The following GALNT13 variants were observed in gnomAD, a reference collection of about 807,000 sequenced individuals.
GALNT13 encodes the protein polypeptide N-acetylgalactosaminyltransferase 13.
Under a neutral mutation model 64.2 loss-of-function variants are expected in GALNT13, and 28 were observed. That is an observed-to-expected ratio of 0.44 (90% CI 0.32 to 0.60). The LOEUF (loss-of-function observed/expected upper bound fraction) is 0.60, where lower values mean the gene tolerates loss of function less well. Ranked by LOEUF, GALNT13 falls within the 20% of genes least tolerant of loss-of-function variation. The pLI is 0.05. For missense variants in GALNT13, 577 were observed against 669.8 expected (o/e 0.86, Z 1.53); for synonymous variants, 214 against 224.6 (o/e 0.95, Z 0.42).
the GALNT13 span, among the ~76,000 whole-genome samples, chr2:153,797,621 T>C: frequency 2.6e-5 from 4 of 152,188 alleles, no homozygotes; most frequent in Non-Finnish European, 5.9e-5. Flanking sequence ...TCAATTACAT[T>C]TCTTTTGGTA....
chr2:153,721,135 GA>G, the GALNT13 span, among the ~76,000 whole-genome samples: 3 of 146,558 alleles, frequency 2.0e-5, no homozygotes, highest in Non-Finnish European at 4.5e-5. Flanking sequence ...CTACAAGCCA[GA>G]AGAGAGTGGG....
At chr2:154,429,732 G>C (rs1009733049) in intron 11 of GALNT13, among the ~76,000 whole-genome samples, 1 of 152,178 alleles carries the variant, frequency 6.6e-6, no homozygotes, top group Admixed American at 6.5e-5. Flanking sequence ...AGCTAGAAAA[G>C]CGAAGTCATT....
At chr2:154,003,136 A>G (rs1696025221) in intron 3 of GALNT13, among the ~76,000 whole-genome samples, 1 of 152,120 alleles carries the variant, frequency 6.6e-6, no homozygotes, top group Non-Finnish European at 1.5e-5. Context: ...AACTGATAGG[A>G]AAACAGAGCA....
chr2:153,732,423 T>C, the GALNT13 span, among the ~76,000 whole-genome samples: 1 of 152,006 alleles, frequency 6.6e-6, no homozygotes, highest in African/African-American at 2.4e-5. Flanking sequence ...TTGTTTGGGA[T>C]CAGTTACCAC....
intron 8 of GALNT13, among the ~76,000 whole-genome samples, chr2:154,291,587 C>T (rs1004775817): frequency 6.6e-6 from 1 of 152,166 alleles, no homozygotes; most frequent in Non-Finnish European, 1.5e-5. Flanking sequence ...TGGCCGGCCA[C>T]GCTGGGTGCG....
the GALNT13 span, among the ~76,000 whole-genome samples, chr2:153,502,703 A>G: frequency 6.6e-6 from 1 of 152,230 alleles, no homozygotes; most frequent in Non-Finnish European, 1.5e-5. Context: ...ATTCCCACCA[A>G]CAATGTAAAA....
At chr2:154,419,282 T>C (rs1377655335) in intron 11 of GALNT13, among the ~76,000 whole-genome samples, 2 of 152,152 alleles carry the variant, frequency 1.3e-5, no homozygotes, top group African/African-American at 4.8e-5. Flanking sequence ...CAGTGTTTTC[T>C]AGCATAGAAA....
the GALNT13 span, among the ~76,000 whole-genome samples, chr2:153,339,335 T>C: frequency 6.6e-6 from 1 of 152,240 alleles, no homozygotes; most frequent in Non-Finnish European, 1.5e-5. Context: ...AATATCTCAA[T>C]GTGGTTTTAA....
chr2:154,135,375 G>A (rs1682890642), intron 3 of GALNT13, among the ~76,000 whole-genome samples: 1 of 152,082 alleles, frequency 6.6e-6, no homozygotes, highest in Non-Finnish European at 1.5e-5. Flanking sequence ...ACCTTTCTGA[G>A]AAGTAGTAGC....
the GALNT13 span, among the ~76,000 whole-genome samples, chr2:153,748,878 A>AT: frequency 1.3e-5 from 2 of 151,988 alleles, no homozygotes; most frequent in African/African-American, 4.8e-5. Context: ...GGAAAAAAAA[A>AT]GAAAGAAAGA....
chr2:153,409,497 A>C, the GALNT13 span, among the ~76,000 whole-genome samples: 2 of 151,822 alleles, frequency 1.3e-5, no homozygotes, highest in Non-Finnish European at 2.9e-5. Context: ...AAAAAGACTA[A>C]TAAAGCAACC....
chr2:154,071,316 A>G (rs1293867292), intron 3 of GALNT13, among the ~76,000 whole-genome samples: 1 of 152,148 alleles, frequency 6.6e-6, no homozygotes, highest in Non-Finnish European at 1.5e-5. Flanking sequence ...TGAAGAGCTC[A>G]GAATTAAAAT....
At chr2:154,277,452 T>C (rs1470707224) in intron 8 of GALNT13, among the ~76,000 whole-genome samples, 3 of 152,194 alleles carry the variant, frequency 2.0e-5, no homozygotes, top group African/African-American at 7.2e-5. Context: ...GATTATATTG[T>C]CACACTTAGT....
the GALNT13 span, among the ~76,000 whole-genome samples, chr2:153,103,571 A>C: frequency 5.7e-3 from 864 of 152,366 alleles, 6 homozygotes; most frequent in Non-Finnish European, 9.2e-3. Context: ...TTGGCCTTTC[A>C]GGCCCCTGGG....
the GALNT13 span, among the ~76,000 whole-genome samples, chr2:153,511,562 A>T: frequency 6.6e-6 from 1 of 152,192 alleles, no homozygotes. Context: ...AGGGAAAGTT[A>T]TTGGATCTTG....
chr2:153,601,386 TATA>T, the GALNT13 span, among the ~76,000 whole-genome samples: 1 of 151,800 alleles, frequency 6.6e-6, no homozygotes, highest in Admixed American at 6.6e-5. Context: ...TGAAGCAAAC[TATA>T]ATAAGAAAGA....
chr2:154,111,462 C>T (rs191787854), intron 3 of GALNT13, among the ~76,000 whole-genome samples: 22 of 152,304 alleles, frequency 1.4e-4, no homozygotes, highest in Non-Finnish European at 2.2e-4. Context: ...CCCTTCTTGG[C>T]CTGTTGACCT....
At chr2:153,780,054 G>C in the GALNT13 span, among the ~76,000 whole-genome samples, 25 of 151,716 alleles carry the variant, frequency 1.6e-4, 1 homozygote, top group South Asian at 4.4e-3. Context: ...CGGGTGAACT[G>C]CCTTCTTATC....
chr2:154,321,570 A>C (rs921475437), intron 9 of GALNT13, among the ~76,000 whole-genome samples: 16 of 152,130 alleles, frequency 1.1e-4, no homozygotes, highest in African/African-American at 3.6e-4. Context: ...AAATTACCTA[A>C]TATCTTTACA....
Sources: allele counts gnomAD v4.1 joint callset (sites outside exome capture counted in the v4.1 genomes callset), GRCh38; gene constraint gnomAD v4.1.1; transcripts MANE v1.5; gene names NCBI Gene and HGNC (gene_info 2026-07-23, HGNC 2026-07-21).